B4GALT6: variants seen among roughly 807,000 people sequenced by gnomAD.
The protein encoded by B4GALT6 is UDP-Gal:beta-GlcNAc beta-1,4-galactosyltransferase 6.
B4GALT6 carries 14 observed loss-of-function variants against 46.3 expected under a neutral mutation model. The ratio of observed to expected loss-of-function variants is 0.30; its 90% confidence interval spans 0.20 to 0.47. B4GALT6 has a LOEUF of 0.47. Among genes scored for constraint, B4GALT6 ranks in the 20% least tolerant of loss-of-function variants. The pLI is 0.99. For synonymous variants in B4GALT6, 168 were observed against 162.0 expected (o/e 1.04, Z -0.28); for missense variants, 386 against 480.1 (o/e 0.80, Z 1.83).
chr18:31,650,031 ACAGT>A (rs746401648), intron 3 of B4GALT6, among the ~76,000 whole-genome samples: 79 of 152,338 alleles, frequency 5.2e-4, no homozygotes, highest in Non-Finnish European at 5.0e-4. Context: ...ACCCTGAACC[ACAGT>A]CACCTAGAAA....
At chr18:31,651,281 T>A (rs1226481485) in intron 3 of B4GALT6, among the ~76,000 whole-genome samples, 1 of 152,144 alleles carries the variant, frequency 6.6e-6, no homozygotes, top group Non-Finnish European at 1.5e-5. Flanking sequence ...AGAAAGCACG[T>A]AAGCATATAG....
At chr18:31,666,707 G>A (rs577349398) in intron 1 of B4GALT6, among the ~76,000 whole-genome samples, 13 of 152,214 alleles carry the variant, frequency 8.5e-5, no homozygotes, top group Non-Finnish European at 1.6e-4. Flanking sequence ...TTTTATTACA[G>A]ATGCTCAATC....
chr18:31,660,410 C>A (rs759968610), intron 2 of B4GALT6, among the ~76,000 whole-genome samples: 2 of 151,956 alleles, frequency 1.3e-5, no homozygotes, highest in Admixed American at 6.6e-5. Flanking sequence ...TCACTCCCAC[C>A]AAAACTGCTT....
chr18:31,674,631 T>A (rs1374512899), intron 1 of B4GALT6, among the ~76,000 whole-genome samples: 3 of 152,172 alleles, frequency 2.0e-5, no homozygotes, highest in Non-Finnish European at 4.4e-5. Context: ...ATGCTGAAAA[T>A]TTTTCTTCTT....
In B4GALT6 at chr18:31,623,011, G is replaced by A. The variant is rs903294657; in HGVS notation, c.*2603C>T. The A allele has an allele frequency of 1.7e-4, 26 of 152,148 alleles. 1 individual carries two copies. Among genetic ancestry groups the A allele is most frequent in the Admixed American group, 1.7e-3 (26 of 15,282 alleles). 9.4% of individuals were successfully genotyped at this position (152,148 alleles called of 1,614,324 possible). On this transcript the variant is annotated 3_prime_UTR_variant, in exon 9 of 9. Coordinates refer to ENST00000306851, the MANE Select transcript of B4GALT6 (RefSeq NM_004775.5). ...AGGAAATACAACAGATAAGTTATCA[G>A]AAGATGTCTTCATAATTTCAGAAAG...
upstream of B4GALT6, among the ~76,000 whole-genome samples, chr18:31,690,226 G>A (rs775842110): frequency 5.3e-5 from 8 of 152,032 alleles, no homozygotes; most frequent in Non-Finnish European, 1.2e-4. Context: ...ACGCCTCCTG[G>A]GTTCAAGCAA....
chr18:31,658,889 G>A (rs149227406), intron 2 of B4GALT6, among the ~76,000 whole-genome samples: 4 of 152,166 alleles, frequency 2.6e-5, no homozygotes, highest in East Asian at 1.9e-4. Context: ...AGCTATGAGC[G>A]ATTAGAGATG....
chr18:31,660,164 G>T (rs1389393824), intron 2 of B4GALT6, among the ~76,000 whole-genome samples: 2 of 151,728 alleles, frequency 1.3e-5, no homozygotes, highest in Admixed American at 6.6e-5. Context: ...TGCCAGGCTG[G>T]TCTCCAACTC....
chr18:31,709,496 TATGGTATCCA>T, the B4GALT6 span, among the ~76,000 whole-genome samples: 1 of 148,854 alleles, frequency 6.7e-6, no homozygotes, highest in Non-Finnish European at 1.5e-5. Flanking sequence ...CAGAATAACA[TATGGTATCCA>T]ATGTACCTTG....
intron 5 of B4GALT6, among the ~76,000 whole-genome samples, chr18:31,633,545 T>TA (rs1348899984): frequency 1.3e-5 from 2 of 152,222 alleles, no homozygotes; most frequent in African/African-American, 2.4e-5. Context: ...CTGAAGGTTT[T>TA]ATGTAGAAGA....
rs921035405 is a variant in B4GALT6 at position 31,626,903 on chromosome 18, A to G, written c.899+96T>C. ...AGAAACCTCAAACATATCCCATCCC[A>G]AAGAATGTTCTTGGAATGGATAAGT... On this transcript the variant is annotated intron_variant, in intron 7 of 8. Coordinates refer to ENST00000306851, the MANE Select transcript of B4GALT6 (RefSeq NM_004775.5). 7.3e-6 allele frequency: 8 copies of G among 1,095,932 alleles called. No individual in the cohort carries two copies. The Admixed American group carries it at 2.1e-4, about 29-fold the overall frequency. The allele number at this position is 1,095,932 out of a possible 1,614,324, so 67.9% of individuals were successfully genotyped here.
At chr18:31,710,300 T>C in the B4GALT6 span, among the ~76,000 whole-genome samples, 1,203 of 152,232 alleles carry the variant, frequency 7.9e-3, 18 homozygotes, top group African/African-American at 0.027. Context: ...AATTCAGTGA[T>C]CACATGATAT....
At chr18:31,654,251 T>C (rs1050841584) in intron 3 of B4GALT6, among the ~76,000 whole-genome samples, 2 of 152,202 alleles carry the variant, frequency 1.3e-5, no homozygotes, top group East Asian at 1.9e-4. Flanking sequence ...GAGTATGCAA[T>C]TGACATTTTC....
At chr18:31,656,870 C>T (rs2074146613) in intron 3 of B4GALT6, among the ~76,000 whole-genome samples, 1 of 152,086 alleles carries the variant, frequency 6.6e-6, no homozygotes, top group Non-Finnish European at 1.5e-5. Flanking sequence ...ACTGATAAAG[C>T]CCATGATGCA....
upstream of B4GALT6, among the ~76,000 whole-genome samples, chr18:31,687,228 G>A (rs2029960635): frequency 6.6e-6 from 1 of 152,182 alleles, no homozygotes; most frequent in South Asian, 2.1e-4. Flanking sequence ...TAAATTAAAT[G>A]AATTAATGCC....
chr18:31,689,227 A>G (rs1368588588), upstream of B4GALT6, among the ~76,000 whole-genome samples: 1 of 152,200 alleles, frequency 6.6e-6, no homozygotes, highest in Non-Finnish European at 1.5e-5. Context: ...TGAGCTGCCA[A>G]ACAATAGCCA....
intron 4 of B4GALT6, among the ~76,000 whole-genome samples, chr18:31,642,419 G>A (rs1598882998): frequency 6.6e-6 from 1 of 152,270 alleles, no homozygotes; most frequent in Non-Finnish European, 1.5e-5. Context: ...AGGTACATTG[G>A]ACTATAAATG....
intron 5 of B4GALT6, among the ~76,000 whole-genome samples, chr18:31,636,827 A>G (rs1598875606): frequency 1.3e-5 from 2 of 152,082 alleles, no homozygotes; most frequent in East Asian, 3.9e-4. Context: ...TTTTATTTTT[A>G]TTTTTATTTT....
chr18:31,645,505 G>A (rs1359126286), intron 3 of B4GALT6, 26 bp from the exon 4 acceptor site: 1 of 1,596,892 alleles, frequency 6.3e-7, no homozygotes, highest in African/African-American at 1.4e-5. Context: ...GTAAAGAATT[G>A]TTTTAATATT....
Sources: allele counts gnomAD v4.1 joint callset (sites outside exome capture counted in the v4.1 genomes callset), GRCh38; gene constraint gnomAD v4.1.1; transcripts MANE v1.5; gene names NCBI Gene and HGNC (gene_info 2026-07-23, HGNC 2026-07-21).